Variants in KLHL13 observed in about 807,000 individuals in gnomAD.
The protein encoded by KLHL13 is kelch like family member 13.
A neutral mutation model predicts 37.1 loss-of-function variants in KLHL13; 10 were observed. That is an observed-to-expected ratio of 0.27 (90% CI 0.17 to 0.46). The LOEUF is 0.46. KLHL13 is among the 20% of genes least tolerant of loss of function. The pLI is 1.00. For missense variants in KLHL13, 360 were observed against 509.3 expected, an observed-to-expected ratio of 0.71 and a Z score of 2.82; for synonymous variants, 163 against 181.2, an observed-to-expected ratio of 0.90 and a Z score of 0.81.
rs1288947245 is a variant in KLHL13, at chrX:118,086,086, C to T, written c.-56+30422G>A. On this transcript the variant is annotated intron_variant, in intron 1 of 6. Coordinates refer to the KLHL13 transcript ENST00000371882. ...CCAAGTAGCTGGGACTACAGGAGTGCGCCACCACAGCCGGTTAAATTTGTA... is the reference window on the plus strand; with the variant it reads ...CCAAGTAGCTGGGACTACAGGAGTGTGCCACCACAGCCGGTTAAATTTGTA... Among the ~76,000 whole-genome samples, 9 of 110,326 alleles carry T rather than the reference C, an allele frequency of 8.2e-5. No individual in the cohort carries two copies. In the South Asian group the frequency reaches 2.8e-3, roughly 34 times the overall value.
chrX:118,095,585 T>C (rs185501124), intron 1 of KLHL13, among the ~76,000 whole-genome samples: 4,451 of 104,804 alleles, frequency 0.042, 229 homozygotes, highest in African/African-American at 0.14. Flanking sequence ...CAACAGAATA[T>C]ACATTCTTTT....
intron 1 of KLHL13, among the ~76,000 whole-genome samples, chrX:118,078,674 C>T (rs943508905): frequency 8.9e-6 from 1 of 111,765 alleles, no homozygotes. Context: ...CTGAAAACCA[C>T]TCAGGCTGTT....
At chrX:117,986,011 A>T (rs1162571794) in intron 1 of KLHL13, among the ~76,000 whole-genome samples, 1 of 111,659 alleles carries the variant, frequency 9.0e-6, no homozygotes, top group Non-Finnish European at 1.9e-5. Context: ...TTTTACAGTA[A>T]GTATGTATTT....
At chrX:118,027,626 AT>A (rs757771655) in intron 1 of KLHL13, among the ~76,000 whole-genome samples, 33 of 104,380 alleles carry the variant, frequency 3.2e-4, no homozygotes, top group African/African-American at 1.2e-3. Flanking sequence ...CCCGCTCTCT[AT>A]TTTTTCTCTC....
intron 4 of KLHL13, among the ~76,000 whole-genome samples, chrX:117,913,642 G>A (rs1395149713): frequency 1.8e-5 from 2 of 111,380 alleles, no homozygotes; most frequent in Non-Finnish European, 3.8e-5. Context: ...TCAGGAGATC[G>A]AGACCATCTT....
intron 1 of KLHL13, among the ~76,000 whole-genome samples, chrX:118,027,648 T>TAC (rs34640779): frequency 0.042 from 4,406 of 103,738 alleles, 91 homozygotes; most frequent in Non-Finnish European, 0.05. Context: ...TCTCCACACA[T>TAC]ACACACACAC....
chrX:118,096,832 T>G (rs1240900925), intron 1 of KLHL13, among the ~76,000 whole-genome samples: 1 of 111,651 alleles, frequency 9.0e-6, no homozygotes, highest in Non-Finnish European at 1.9e-5. Context: ...AAAAACCACA[T>G]GATTATCTCA....
At chrX:117,946,958 A>G (rs1485691385) in intron 1 of KLHL13, 2 of 112,145 alleles carry the variant, frequency 1.8e-5, no homozygotes, top group Non-Finnish European at 3.8e-5. Flanking sequence ...GAGCCATAGT[A>G]TAACCAAAAA....
At chrX:118,043,797 G>GA (rs2054530190) in intron 1 of KLHL13, among the ~76,000 whole-genome samples, 1 of 111,855 alleles carries the variant, frequency 8.9e-6, no homozygotes, top group Non-Finnish European at 1.9e-5. Context: ...TATTGAATGG[G>GA]AAAAAACTGA....
exon 1 of KLHL13, chrX:118,116,583 C>G: frequency 8.9e-6 from 1 of 112,227 alleles, no homozygotes. Flanking sequence ...GGGAGTCGCG[C>G]GGCGCAGCCG....
At chrX:118,020,517 A>G in intron 1 of KLHL13, among the ~76,000 whole-genome samples, 1 of 110,867 alleles carries the variant, frequency 9.0e-6, no homozygotes, top group Non-Finnish European at 1.9e-5. Flanking sequence ...GATGTGGAGA[A>G]ATAGGAACAC....
intron 1 of KLHL13, among the ~76,000 whole-genome samples, chrX:118,077,031 T>C (rs758596361): frequency 1.0e-4 from 11 of 110,503 alleles, no homozygotes; most frequent in African/African-American, 3.6e-4. Flanking sequence ...TTTTGCTTTA[T>C]TATTGTATTT....
At chrX:118,102,500 T>C (rs1481866124) in intron 1 of KLHL13, among the ~76,000 whole-genome samples, 1 of 112,101 alleles carries the variant, frequency 8.9e-6, no homozygotes, top group Non-Finnish European at 1.9e-5. Context: ...GGAATGTTCT[T>C]AGAAAAGAAC....
At chrX:117,998,960 T>C (rs1320567150) in intron 1 of KLHL13, among the ~76,000 whole-genome samples, 2 of 110,957 alleles carry the variant, frequency 1.8e-5, no homozygotes, top group Non-Finnish European at 3.8e-5. Flanking sequence ...TACAAGTTTG[T>C]ACCATATAAT....
chrX:117,952,135 G>A (rs768018867), intron 1 of KLHL13, among the ~76,000 whole-genome samples: 158 of 111,593 alleles, frequency 1.4e-3, no homozygotes, highest in African/African-American at 5.0e-3. Flanking sequence ...GAGGCATCAC[G>A]CTACCTGATT....
chrX:118,067,539 A>G (rs1015128053), intron 1 of KLHL13, among the ~76,000 whole-genome samples: 6 of 112,123 alleles, frequency 5.4e-5, no homozygotes, highest in African/African-American at 1.6e-4. Flanking sequence ...CCTCTTTTGT[A>G]ATAACTTAGC....
At chrX:117,912,714 C>G (rs956153410) in intron 4 of KLHL13, among the ~76,000 whole-genome samples, 1 of 111,815 alleles carries the variant, frequency 8.9e-6, no homozygotes, top group Admixed American at 9.5e-5. Context: ...ATCTTCTTGA[C>G]AGAAGAACTA....
At chrX:117,941,750 G>T (rs147435084) in intron 2 of KLHL13, among the ~76,000 whole-genome samples, 10,140 of 110,684 alleles carry the variant, frequency 0.092, 438 homozygotes, top group African/African-American at 0.16. Context: ...CTGGCTAGCG[G>T]TCTATCTATT....
At chrX:118,001,433 T>C (rs1011339037) in intron 1 of KLHL13, among the ~76,000 whole-genome samples, 1 of 111,825 alleles carries the variant, frequency 8.9e-6, no homozygotes, top group Non-Finnish European at 1.9e-5. Context: ...AGTGAACAAA[T>C]CAGAAAGTAC....
Sources: allele counts gnomAD v4.1 joint callset (sites outside exome capture counted in the v4.1 genomes callset), GRCh38; gene constraint gnomAD v4.1.1; transcripts MANE v1.5; gene names NCBI Gene and HGNC (gene_info 2026-07-23, HGNC 2026-07-21).